FSHR: variants seen among roughly 807,000 people sequenced by gnomAD.
FSHR encodes the protein follicle stimulating hormone receptor.
A neutral mutation model predicts 52.1 loss-of-function variants in FSHR; 46 were observed. That is an observed-to-expected ratio of 0.88 (90% CI 0.70 to 1.13). The LOEUF (loss-of-function observed/expected upper bound fraction) is 1.13. FSHR is among the 50% of genes most tolerant of loss of function. The probability of loss-of-function intolerance (pLI) is 0.00; values close to 1 mark genes in which losing one functional copy is unlikely to be tolerated. For synonymous variants in FSHR, 399 were observed against 309.6 expected, an observed-to-expected ratio of 1.29 and a Z score of -3.03; for missense variants, 964 against 834.6, an observed-to-expected ratio of 1.16 and a Z score of -1.91.
chr2:49,021,861 C>CTATATATA (rs1338377124), intron 2 of FSHR, among the ~76,000 whole-genome samples: 4 of 43,474 alleles, frequency 9.2e-5, no homozygotes, highest in East Asian at 1.2e-3. Context: ...CTCTCTCTCT[C>CTATATATA]TCTATATATA....
At chr2:48,980,292 T>C (rs1675189740) in intron 8 of FSHR, among the ~76,000 whole-genome samples, 1 of 152,186 alleles carries the variant, frequency 6.6e-6, no homozygotes, top group Admixed American at 6.5e-5. Flanking sequence ...CCTAATTCCA[T>C]GGATTTTCTG....
Position 49,050,821 on chromosome 2 carries a change from A to T in FSHR, c.224+17398T>A, listed in dbSNP as rs530462645. Among the ~76,000 whole-genome samples, 5 of 152,264 alleles carry T rather than the reference A, an allele frequency of 3.3e-5. No individual in the cohort carries two copies. The East Asian group carries it at 9.7e-4, about 29-fold the overall frequency. ...CATTTTAACTCTTCCACCTGTTACT[A>T]CTACCACAATCAAGATATAAAATAT... On this transcript the variant is annotated intron_variant, in intron 2 of 9. Coordinates refer to ENST00000406846, the MANE Select transcript of FSHR (RefSeq NM_000145.4).
chr2:49,118,463 C>T (rs1224752654), intron 1 of FSHR, among the ~76,000 whole-genome samples: 1 of 152,052 alleles, frequency 6.6e-6, no homozygotes. Context: ...AGCAGTGGGA[C>T]CGGAGAGGTG....
At chr2:49,059,299 C>T (rs1288120284) in intron 2 of FSHR, among the ~76,000 whole-genome samples, 1 of 151,912 alleles carries the variant, frequency 6.6e-6, no homozygotes, top group Non-Finnish European at 1.5e-5. Flanking sequence ...AACCACAAAA[C>T]ATCCTGCATG....
intron 1 of FSHR, among the ~76,000 whole-genome samples, chr2:49,146,099 C>CA (rs1558467012): frequency 6.6e-6 from 1 of 151,902 alleles, no homozygotes; most frequent in Non-Finnish European, 1.5e-5. Flanking sequence ...CATGTGTACC[C>CA]ACAGAGGAAT....
intron 8 of FSHR, among the ~76,000 whole-genome samples, 166 bp downstream of exon 8, chr2:48,982,746 G>T (rs761801175): frequency 2.0e-5 from 3 of 152,166 alleles, no homozygotes; most frequent in Admixed American, 1.3e-4. Flanking sequence ...GAGTTAGACC[G>T]TGGATAAGCC....
At chr2:49,103,654 A>G (rs911304888) in intron 1 of FSHR, among the ~76,000 whole-genome samples, 2 of 152,084 alleles carry the variant, frequency 1.3e-5, no homozygotes, top group Non-Finnish European at 1.5e-5. Context: ...ACCTATCCCT[A>G]TCTTTTAAAT....
chr2:49,084,574 T>A (rs1670304075), intron 1 of FSHR, among the ~76,000 whole-genome samples: 1 of 151,834 alleles, frequency 6.6e-6, no homozygotes, highest in South Asian at 2.1e-4. Flanking sequence ...TCTGAAAGGA[T>A]CAACAAAATT....
intron 2 of FSHR, among the ~76,000 whole-genome samples, chr2:49,062,122 C>A (rs777300534): frequency 6.6e-5 from 10 of 151,910 alleles, no homozygotes; most frequent in Admixed American, 1.3e-4. Context: ...CTTCAGCAAC[C>A]CTGAGCAAAA....
chr2:48,968,647 A>C, intron 9 of FSHR, 51 bp downstream of exon 9: 1 of 1,589,296 alleles, frequency 6.3e-7, no homozygotes, highest in Non-Finnish European at 8.6e-7. Context: ...AATTGTGGAC[A>C]AAGTTCTACA....
chr2:49,092,615 A>G lies in FSHR; in HGVS notation c.153-24325T>C, dbSNP rs376306932. On this transcript the variant is annotated intron_variant, in intron 1 of 9. Transcript: ENST00000406846. ...ATCTTTTTTCTTTAGTCTTTTAATTACATTGTATAAATTATAGTGTTTGCT... is the reference window on the plus strand; with the variant it reads ...ATCTTTTTTCTTTAGTCTTTTAATTGCATTGTATAAATTATAGTGTTTGCT... Among the ~76,000 whole-genome samples, 183 of 152,184 alleles carry G rather than the reference A, an allele frequency of 1.2e-3. 5 individuals carry two copies. In the South Asian group the frequency reaches 0.037, roughly 31 times the overall value.
At chr2:49,013,537 TATAA>T (rs1368934541) in intron 4 of FSHR, among the ~76,000 whole-genome samples, 3 of 144,756 alleles carry the variant, frequency 2.1e-5, no homozygotes, top group African/African-American at 7.6e-5. Flanking sequence ...AAAATATATA[TATAA>T]ATAAATATAT....
chr2:48,978,593 A>T (rs552648533), intron 8 of FSHR, among the ~76,000 whole-genome samples: 1 of 152,242 alleles, frequency 6.6e-6, no homozygotes, highest in Non-Finnish European at 1.5e-5. Flanking sequence ...CTGTTTCCCA[A>T]AGAAACAGCA....
intron 1 of FSHR, among the ~76,000 whole-genome samples, chr2:49,120,134 G>C (rs140910463): frequency 1.3e-5 from 2 of 152,300 alleles, no homozygotes; most frequent in Non-Finnish European, 2.9e-5. Context: ...ATCTGGGCAT[G>C]GTGGTGCCTG....
chr2:49,124,999 T>C (rs1213756800), intron 1 of FSHR, among the ~76,000 whole-genome samples: 1 of 152,212 alleles, frequency 6.6e-6, no homozygotes, highest in Non-Finnish European at 1.5e-5. Context: ...TGTTGTTCCT[T>C]GTACAAACAG....
intron 1 of FSHR, among the ~76,000 whole-genome samples, chr2:49,091,465 G>A (rs1449865617): frequency 6.6e-6 from 1 of 151,922 alleles, no homozygotes; most frequent in Non-Finnish European, 1.5e-5. Context: ...CACCATGCCT[G>A]GCTATATTTT....
chr2:49,041,158 A>G (rs1668467079), intron 2 of FSHR, among the ~76,000 whole-genome samples: 1 of 152,308 alleles, frequency 6.6e-6, no homozygotes, highest in South Asian at 2.1e-4. Context: ...TTGAAACTCT[A>G]ATTAAATGAA....
At chr2:49,104,486 C>G (rs1182932272) in intron 1 of FSHR, among the ~76,000 whole-genome samples, 23 of 152,230 alleles carry the variant, frequency 1.5e-4, no homozygotes, top group African/African-American at 5.3e-4. Flanking sequence ...CAAGGCTTTT[C>G]TTTTAGATAG....
intron 2 of FSHR, among the ~76,000 whole-genome samples, chr2:49,062,268 A>T (rs1669339253): frequency 6.6e-6 from 1 of 152,214 alleles, no homozygotes; most frequent in Non-Finnish European, 1.5e-5. Context: ...CTACATATTT[A>T]TAGTGAAGTG....
Sources: allele counts gnomAD v4.1 joint callset (sites outside exome capture counted in the v4.1 genomes callset), GRCh38; gene constraint gnomAD v4.1.1; transcripts MANE v1.5; gene names NCBI Gene and HGNC (gene_info 2026-07-23, HGNC 2026-07-21).